FHIP1A: variants seen among roughly 807,000 people sequenced by gnomAD.
The protein encoded by FHIP1A is FHF complex subunit HOOK-interacting protein 1A.
In FHIP1A, 61 loss-of-function variants were observed where a neutral mutation model predicts 88.6. The observed-to-expected ratio is 0.69, with a 90% CI of 0.56 to 0.85. The LOEUF is 0.85. Among genes scored for constraint, FHIP1A ranks in the 40% least tolerant of loss-of-function variants. The pLI is 0.00. For synonymous variants in FHIP1A, 478 were observed against 496.0 expected, an observed-to-expected ratio of 0.96 and a Z score of 0.48; for missense variants, 1,154 against 1,273.5, an observed-to-expected ratio of 0.91 and a Z score of 1.43.
chr4:151,482,961 T>C (rs766269755), intron 3 of FHIP1A, among the ~76,000 whole-genome samples: 5 of 152,122 alleles, frequency 3.3e-5, no homozygotes, highest in Non-Finnish European at 7.4e-5. Context: ...TGGGTGATGA[T>C]CATACCTGGG....
At chr4:151,492,568 G>A (rs1730321108) in intron 3 of FHIP1A, among the ~76,000 whole-genome samples, 1 of 150,948 alleles carries the variant, frequency 6.6e-6, no homozygotes, top group Admixed American at 6.6e-5. Flanking sequence ...CTCCAGCCTG[G>A]GTGACGGAGT....
At chr4:151,647,891 C>G (rs1018797796) in intron 10 of FHIP1A, among the ~76,000 whole-genome samples, 1 of 152,124 alleles carries the variant, frequency 6.6e-6, no homozygotes, top group Non-Finnish European at 1.5e-5. Flanking sequence ...GGTGTGATCA[C>G]TTTTAATGCT....
chr4:151,642,511 G>A (rs1736624624), intron 9 of FHIP1A, among the ~76,000 whole-genome samples: 1 of 152,066 alleles, frequency 6.6e-6, no homozygotes, highest in Non-Finnish European at 1.5e-5. Context: ...GCCAGCCTAG[G>A]GGAAAATGAA....
chr4:151,458,668 T>C (rs11941136), intron 2 of FHIP1A, among the ~76,000 whole-genome samples: 25,994 of 152,104 alleles, frequency 0.17, 2,740 homozygotes, highest in South Asian at 0.24. Flanking sequence ...TGGGAATATC[T>C]AGAACTGTAG....
At chr4:151,470,273 A>G (rs754856697) in intron 2 of FHIP1A, among the ~76,000 whole-genome samples, 5 of 152,208 alleles carry the variant, frequency 3.3e-5, no homozygotes, top group Non-Finnish European at 5.9e-5. Flanking sequence ...CAAATGTGTT[A>G]TGTCTATGAT....
In FHIP1A at chr4:151,650,405, G is replaced by C. The variant is rs1736984392; in HGVS notation, c.2364G>C (p.Gly788=). 2 of 1,551,740 alleles carry C rather than the reference G, an allele frequency of 1.3e-6. No homozygotes were observed. The highest frequency in any genetic ancestry group is 1.7e-6 in the Non-Finnish European group (2 of 1,146,976). ...DPLLLTKEEE[G]KEESKGEKEK... ...TGCTTCTCACTAAGGAGGAAGAAGG[G>C]AAGGAAGAGAGTAAAGGAGAAAAGG... Residue 788 remains glycine (G), a synonymous_variant, in exon 11 of 14, where the codon GGG becomes GGC. Transcript: ENST00000435205.
chr4:151,496,261 A>AT (rs1325572725), intron 3 of FHIP1A, among the ~76,000 whole-genome samples: 2 of 149,694 alleles, frequency 1.3e-5, no homozygotes, highest in South Asian at 4.2e-4. Context: ...ATATATATAT[A>AT]TTTTTTCTTT....
intron 11 of FHIP1A, 63 bp downstream of exon 11, chr4:151,650,655 G>A: frequency 6.8e-7 from 1 of 1,471,756 alleles, no homozygotes. Context: ...ATTGGAACAG[G>A]AAAGGAAGGT....
In FHIP1A at chr4:151,482,801, A is replaced by T. The variant is rs547062835; in HGVS notation, c.-123+153A>T. Among the ~76,000 whole-genome samples, 16 of 152,104 alleles carry T rather than the reference A, an allele frequency of 1.1e-4. 1 individual carries two copies. The highest frequency in any genetic ancestry group is 2.4e-4 in the Non-Finnish European group (16 of 67,968). On this transcript the variant is annotated intron_variant, in intron 3 of 13. Coordinates refer to ENST00000435205, the MANE Select transcript of FHIP1A (RefSeq NM_001109977.3). ...ATGTCTTAGGGAGAGGCTGTACTCT[A>T]TCCTCTATGTGAAGCATTTAAAAAA...
At chr4:151,425,719 C>A (rs1227491375) in intron 1 of FHIP1A, among the ~76,000 whole-genome samples, 1 of 152,126 alleles carries the variant, frequency 6.6e-6, no homozygotes, top group East Asian at 1.9e-4. Context: ...CCATTTTCTC[C>A]AAAGACTCTA....
rs1732121942 is a variant in FHIP1A at position 151,537,730 on chromosome 4, G to A, written c.-122-28408G>A. Among the ~76,000 whole-genome samples the A allele has an allele frequency of 2.0e-5, 3 of 152,130 alleles. No homozygotes were observed. The South Asian group carries it at 6.2e-4, about 32-fold the overall frequency. On this transcript the variant is annotated intron_variant, in intron 3 of 13. Coordinates refer to ENST00000435205, the MANE Select transcript of FHIP1A (RefSeq NM_001109977.3). ...ACCCTCTAACATTGGTCATAATTTT[G>A]CAGCTTGAGGTAACTGTGTTAGAAA...
chr4:151,467,043 A>T (rs559746535), intron 2 of FHIP1A, among the ~76,000 whole-genome samples: 1 of 152,364 alleles, frequency 6.6e-6, no homozygotes, highest in Admixed American at 6.5e-5. Context: ...TGAGCAGGCA[A>T]CCTACAGAAT....
Position 151,650,339 on chromosome 4 carries a change from C to G in FHIP1A, c.2298C>G (p.Ala766=). Residue 766 remains alanine, a synonymous_variant, in exon 11 of 14, where the codon GCC becomes GCG. Coordinates refer to ENST00000435205, the MANE Select transcript of FHIP1A (RefSeq NM_001109977.3). ...DQIIKELDSG[A]EGLMEQNYPT... ...TCATTAAAGAGCTGGATTCCGGCGCCGAGGGCTTGATGGAACAGAATTACC... is the reference window on the plus strand; with the variant it reads ...TCATTAAAGAGCTGGATTCCGGCGCGGAGGGCTTGATGGAACAGAATTACC... 6.4e-7 allele frequency: 1 copy of G among 1,551,720 alleles called. No individual in the cohort carries two copies.
chr4:151,591,319 TTCC>T (rs1734419772), intron 7 of FHIP1A, among the ~76,000 whole-genome samples: 1 of 152,152 alleles, frequency 6.6e-6, no homozygotes, highest in Admixed American at 6.5e-5. Context: ...TTTCCTGTAT[TTCC>T]CCCTTTGGTA....
At chr4:151,579,310 A>G (rs537347850) in intron 5 of FHIP1A, among the ~76,000 whole-genome samples, 3 of 152,134 alleles carry the variant, frequency 2.0e-5, no homozygotes, top group Non-Finnish European at 2.9e-5. Flanking sequence ...GCACTCTGGT[A>G]GGGGATGTTG....
At chr4:151,513,061 G>C (rs1242430893) in intron 3 of FHIP1A, among the ~76,000 whole-genome samples, 4 of 152,184 alleles carry the variant, frequency 2.6e-5, no homozygotes, top group African/African-American at 9.7e-5. Context: ...AGAAAGGTCA[G>C]GTTACCCTCA....
At chr4:151,431,501 G>C (rs550923503) in intron 1 of FHIP1A, among the ~76,000 whole-genome samples, 1 of 151,842 alleles carries the variant, frequency 6.6e-6, no homozygotes, top group African/African-American at 2.4e-5. Flanking sequence ...CCTGACTGTC[G>C]TGCCATTTCC....
intron 3 of FHIP1A, among the ~76,000 whole-genome samples, chr4:151,539,495 C>T (rs970357797): frequency 4.3e-5 from 6 of 138,324 alleles, no homozygotes; most frequent in Non-Finnish European, 6.1e-5. Context: ...AACTGGGAGG[C>T]GGAGGTTGCA....
chr4:151,532,581 C>T (rs1731917155), intron 3 of FHIP1A, among the ~76,000 whole-genome samples: 2 of 152,180 alleles, frequency 1.3e-5, no homozygotes, highest in South Asian at 4.1e-4. Flanking sequence ...GGTAAGGATT[C>T]TAACTCCTGA....
Sources: allele counts gnomAD v4.1 joint callset (sites outside exome capture counted in the v4.1 genomes callset), GRCh38; gene constraint gnomAD v4.1.1; transcripts MANE v1.5; gene names NCBI Gene and HGNC (gene_info 2026-07-23, HGNC 2026-07-21).